The following ERBB4 variants were observed in gnomAD, a reference collection of about 807,000 sequenced individuals.
ERBB4 encodes erb-b2 receptor tyrosine kinase 4.
In ERBB4, 42 loss-of-function variants were observed where a neutral mutation model predicts 158.0. The ratio of observed to expected loss-of-function variants is 0.27; its 90% CI spans 0.21 to 0.34. The LOEUF (loss-of-function observed/expected upper bound fraction) is 0.34, where lower values mean the gene tolerates loss of function less well. Ranked by LOEUF, ERBB4 falls within the 10% of genes least tolerant of loss-of-function variation. The pLI is 1.00. For missense variants in ERBB4, 1,333 were observed against 1,624.1 expected, an observed-to-expected ratio of 0.82 and a Z score of 3.08; for synonymous variants, 583 against 558.7, an observed-to-expected ratio of 1.04 and a Z score of -0.61.
chr2:211,816,487 C>T (rs1484507018), intron 3 of ERBB4, among the ~76,000 whole-genome samples: 1 of 142,968 alleles, frequency 7.0e-6, no homozygotes. Context: ...GCTGAAGTGA[C>T]CCAAGATCAT....
chr2:212,430,848 G>A (rs1483233463), intron 1 of ERBB4, among the ~76,000 whole-genome samples: 2 of 152,058 alleles, frequency 1.3e-5, no homozygotes, highest in Non-Finnish European at 2.9e-5. Flanking sequence ...GGGGAAGCAA[G>A]AGAGAGTGAG....
At chr2:211,621,684 T>C (rs1221151291) in intron 18 of ERBB4, among the ~76,000 whole-genome samples, 2 of 152,210 alleles carry the variant, frequency 1.3e-5, no homozygotes, top group Non-Finnish European at 2.9e-5. Flanking sequence ...TTTAAAAATA[T>C]AGGAGTGATT....
intron 3 of ERBB4, among the ~76,000 whole-genome samples, chr2:211,928,822 A>G (rs2080090186): frequency 6.6e-6 from 1 of 152,174 alleles, no homozygotes; most frequent in Non-Finnish European, 1.5e-5. Flanking sequence ...TTTCTATGGC[A>G]TATTGAAAAG....
At chr2:211,899,300 T>C (rs2079174091) in intron 3 of ERBB4, among the ~76,000 whole-genome samples, 1 of 152,148 alleles carries the variant, frequency 6.6e-6, no homozygotes, top group South Asian at 2.1e-4. Context: ...GAAGCTATCT[T>C]CATTTCCTCT....
chr2:212,113,590 A>G (rs2079485844), intron 2 of ERBB4, among the ~76,000 whole-genome samples: 1 of 150,882 alleles, frequency 6.6e-6, no homozygotes, highest in Non-Finnish European at 1.5e-5. Context: ...AAAAAAAAAA[A>G]AAAAAAAAAA....
intron 1 of ERBB4, among the ~76,000 whole-genome samples, chr2:212,485,668 G>A (rs1380892090): frequency 6.6e-6 from 1 of 152,134 alleles, no homozygotes; most frequent in Admixed American, 6.5e-5. Context: ...CACTCAGGCT[G>A]CTATAACAAA....
chr2:211,883,147 G>C (rs1311411448), intron 3 of ERBB4, among the ~76,000 whole-genome samples: 1 of 152,150 alleles, frequency 6.6e-6, no homozygotes, highest in Non-Finnish European at 1.5e-5. Context: ...GTCCTTTGTA[G>C]GGACATGGAT....
At chr2:211,579,872 G>A (rs2068015100) in intron 19 of ERBB4, among the ~76,000 whole-genome samples, 1 of 152,076 alleles carries the variant, frequency 6.6e-6, no homozygotes, top group Admixed American at 6.6e-5. Flanking sequence ...TAGGTGATGG[G>A]TTGATAGGTG....
chr2:211,437,753 T>C (rs1271598693), intron 20 of ERBB4, among the ~76,000 whole-genome samples: 1 of 152,200 alleles, frequency 6.6e-6, no homozygotes, highest in Non-Finnish European at 1.5e-5. Context: ...GAGAGCATTT[T>C]TTTTTTCTGT....
chr2:211,534,312 G>A lies in ERBB4; in HGVS notation c.2487+27591C>T, dbSNP rs73985476. Among the ~76,000 whole-genome samples the A allele has an allele frequency of 2.3e-3, 351 of 152,116 alleles. 2 individuals are homozygous for A. Among genetic ancestry groups the A allele is most frequent in the African/African-American group, 7.7e-3 (320 of 41,520 alleles). On this transcript the variant is annotated intron_variant, in intron 20 of 27. Transcript: ENST00000342788. ...GATAACAGATAAGTGGGTGTTCTGC[G>A]TGCTAGTAAACAACATGGTCAACTC...
intron 20 of ERBB4, among the ~76,000 whole-genome samples, chr2:211,555,184 G>C (rs977843231): frequency 4.6e-5 from 7 of 152,034 alleles, no homozygotes; most frequent in Admixed American, 3.9e-4. Flanking sequence ...GTTTAAGTCT[G>C]TGTTTTCTTT....
intron 1 of ERBB4, among the ~76,000 whole-genome samples, chr2:212,497,366 G>C (rs1449929346): frequency 6.6e-6 from 1 of 152,010 alleles, no homozygotes; most frequent in Non-Finnish European, 1.5e-5. Flanking sequence ...GTTTTATTCT[G>C]TTTTTCTTTA....
intron 12 of ERBB4, among the ~76,000 whole-genome samples, chr2:211,687,674 G>A (rs2072621246): frequency 6.6e-6 from 1 of 151,976 alleles, no homozygotes; most frequent in Non-Finnish European, 1.5e-5. Flanking sequence ...CTTTTGTTGG[G>A]GCTTTTTTTT....
At chr2:212,340,104 A>C (rs2088634311) in intron 1 of ERBB4, among the ~76,000 whole-genome samples, 1 of 151,620 alleles carries the variant, frequency 6.6e-6, no homozygotes, top group Admixed American at 6.6e-5. Flanking sequence ...GGAGTGACCA[A>C]GACTCACTGA....
chr2:212,396,911 G>T (rs1340964756), intron 1 of ERBB4, among the ~76,000 whole-genome samples: 1 of 151,994 alleles, frequency 6.6e-6, no homozygotes, highest in Non-Finnish European at 1.5e-5. Flanking sequence ...GAATGTGTCT[G>T]TACATAAAAA....
chr2:211,834,292 C>T (rs891975845), intron 3 of ERBB4, among the ~76,000 whole-genome samples: 4 of 151,804 alleles, frequency 2.6e-5, no homozygotes, highest in Admixed American at 6.6e-5. Context: ...AATTCTAGTC[C>T]CCTGGAAAGG....
intron 1 of ERBB4, among the ~76,000 whole-genome samples, chr2:212,160,216 G>T (rs1001445457): frequency 1.3e-5 from 2 of 151,930 alleles, no homozygotes; most frequent in Non-Finnish European, 2.9e-5. Flanking sequence ...TAAGCATAAG[G>T]AACCCTGGAT....
Position 211,382,376 on chromosome 2 carries a change from C to A in ERBB4, c.*1239G>T, listed in dbSNP as rs1286531001. The A allele has an allele frequency of 8.6e-6, 2 of 232,402 alleles. No individual in the cohort carries two copies. The highest frequency in any genetic ancestry group is 4.4e-5 in the African/African-American group (2 of 45,264). 14.4% of individuals were successfully genotyped at this position (232,402 alleles called of 1,614,324 possible). A position where few individuals can be genotyped will look rare whatever the true frequency, so the allele number is the denominator to read the frequency against. On this transcript the variant is annotated 3_prime_UTR_variant, in exon 28 of 28. Coordinates refer to ENST00000342788, the MANE Select transcript of ERBB4 (RefSeq NM_005235.3). ...AGTCCCTGGATACCGTTGCAAGGTT[C>A]CTAATTTGCTTGGTTTGGCATTTCC...
chr2:211,923,551 G>T (rs186266485), intron 3 of ERBB4, among the ~76,000 whole-genome samples: 1 of 152,068 alleles, frequency 6.6e-6, no homozygotes, highest in African/African-American at 2.4e-5. Flanking sequence ...AGATGGTGTT[G>T]GAGATTATGC....
Sources: gnomAD v4.1 joint callset for allele counts (sites outside exome capture counted in the v4.1 genomes callset) on GRCh38, gnomAD v4.1.1 for gene constraint, MANE v1.5 for transcripts, NCBI Gene and HGNC (gene_info 2026-07-23, HGNC 2026-07-21) for gene names.